ZCCHC8: variants seen among roughly 807,000 people sequenced by gnomAD.
The protein encoded by ZCCHC8 is zinc finger CCHC domain-containing protein 8.
A neutral mutation model predicts 70.6 loss-of-function variants in ZCCHC8; 27 were observed. That is an observed-to-expected ratio of 0.38 (90% CI 0.28 to 0.53). ZCCHC8 has a LOEUF of 0.53. ZCCHC8 is among the 20% of genes least tolerant of loss of function. The pLI is 0.81. For synonymous variants in ZCCHC8, 293 were observed against 317.4 expected (o/e 0.92, Z 0.82); for missense variants, 737 against 876.9 (o/e 0.84, Z 2.01).
chr12:122,478,426 G>C, intron 11 of ZCCHC8, 134 bp from the exon 12 acceptor site: 1 of 649,596 alleles, frequency 1.5e-6, no homozygotes, highest in Non-Finnish European at 2.6e-6. Context: ...TCCTTTATTG[G>C]AAATTAAGGA....
In ZCCHC8 at chr12:122,483,237, A is replaced by T. The variant is rs1957570447; in HGVS notation, c.671+42T>A. The T allele has an allele frequency of 6.5e-7, 1 of 1,537,080 alleles. No individual in the cohort carries two copies. On this transcript the variant is annotated intron_variant, in intron 7 of 13. Transcript: ENST00000633063. This position sits in a 1 kb window ranked among gnomAD's most constrained non-coding sequence, Gnocchi z 4.4. ...AAGCCAAAAGTTTATGATTTTGGTT[A>T]AAAAAGTAAATAAGTAAAACAAAAC...
At chr12:122,494,627 G>A (rs1174288462) in intron 2 of ZCCHC8, among the ~76,000 whole-genome samples, 5 of 151,842 alleles carry the variant, frequency 3.3e-5, no homozygotes, top group African/African-American at 9.7e-5. Flanking sequence ...AGGCCGAGGC[G>A]GGTGGATCAC....
At chr12:122,482,156 A>C in intron 8 of ZCCHC8, 69 bp from the exon 9 acceptor site, 1 of 1,477,406 alleles carries the variant, frequency 6.8e-7, no homozygotes, top group Non-Finnish European at 9.0e-7. Context: ...TTAAATAAAA[A>C]TACTTTTTTT....
At chr12:122,490,374 GTT>G in intron 4 of ZCCHC8, 86 bp downstream of exon 4, 14 of 1,064,428 alleles carry the variant, frequency 1.3e-5, no homozygotes, top group Non-Finnish European at 1.7e-5. Context: ...AATCATTTTG[GTT>G]TTGATTCAAG....
chr12:122,495,585 C>T (rs1269463556), intron 2 of ZCCHC8, among the ~76,000 whole-genome samples: 1 of 152,048 alleles, frequency 6.6e-6, no homozygotes, highest in African/African-American at 2.4e-5. Flanking sequence ...CACGATGGCT[C>T]ATGCCCGTAA....
At chr12:122,494,938 CAGTT>C (rs1418520877) in intron 2 of ZCCHC8, among the ~76,000 whole-genome samples, 2 of 152,142 alleles carry the variant, frequency 1.3e-5, no homozygotes, top group African/African-American at 4.8e-5. Context: ...TAAATATACT[CAGTT>C]GGAGAAATTT....
At chr12:122,488,563 A>ACATTACCTT (rs139475706) in intron 5 of ZCCHC8, among the ~76,000 whole-genome samples, 1,569 of 152,154 alleles carry the variant, frequency 0.01, 29 homozygotes, top group African/African-American at 0.036. Context: ...ATCCACTATT[A>ACATTACCTT]CATTACCTTT....
Position 122,473,381 on chromosome 12 carries a change from G to T in ZCCHC8, c.*116C>A. ...GGCTTGACTTTGGAACATGAACCTT[G>T]GATAGATTTTTAAACATGGGAGGGA... is the stretch of plus-strand genomic sequence containing the variant. On this transcript the variant is annotated 3_prime_UTR_variant, in exon 14 of 14. Coordinates refer to ENST00000633063, the MANE Select transcript of ZCCHC8 (RefSeq NM_017612.5). 8.5e-7 allele frequency: 1 copy of T among 1,171,186 alleles called. No individual in the cohort carries two copies. Among genetic ancestry groups the T allele is most frequent in the Non-Finnish European group, 1.2e-6 (1 of 845,698 alleles). The allele number at this position is 1,171,186 out of a possible 1,614,324, so 72.5% of individuals were successfully genotyped here.
rs922261264 is a variant in ZCCHC8, at chr12:122,482,774, A to G, written c.672-79T>C. ...AATCAATAAAATTCTATATGACAGC[A>G]AAGTGTATCAGAGAGACAAGAAAGC... On this transcript the variant is annotated intron_variant, in intron 7 of 13. Transcript: ENST00000633063. 1.2e-5 allele frequency: 15 copies of G among 1,237,976 alleles called. No homozygotes were observed. In the Admixed American group the frequency reaches 2.5e-4, roughly 21 times the overall value. 76.7% of individuals were successfully genotyped at this position (1,237,976 alleles called of 1,614,324 possible).
intron 5 of ZCCHC8, among the ~76,000 whole-genome samples, chr12:122,484,389 C>T (rs982943754): frequency 6.7e-6 from 1 of 150,326 alleles, no homozygotes; most frequent in Non-Finnish European, 1.5e-5. Context: ...TGAACCACTG[C>T]ACCTGGCCTC....
intron 10 of ZCCHC8, chr12:122,480,532 C>T: frequency 1.1e-5 from 4 of 363,542 alleles, no homozygotes; most frequent in South Asian, 4.2e-5. Context: ...AGTGCAGTGG[C>T]ACCATCTTGG....
intron 2 of ZCCHC8, among the ~76,000 whole-genome samples, chr12:122,495,352 G>A (rs779393111): frequency 8.6e-5 from 13 of 151,910 alleles, no homozygotes; most frequent in Non-Finnish European, 1.5e-4. Flanking sequence ...TTATCCAGGC[G>A]TGGTGGCACA....
chr12:122,485,912 T>C (rs1263301322), intron 5 of ZCCHC8, among the ~76,000 whole-genome samples: 2 of 152,188 alleles, frequency 1.3e-5, no homozygotes, highest in African/African-American at 4.8e-5. Context: ...TGCTCTCATA[T>C]TCTGCGTCCA....
chr12:122,476,598 A>C (rs1957422958), intron 13 of ZCCHC8, among the ~76,000 whole-genome samples: 1 of 149,412 alleles, frequency 6.7e-6, no homozygotes. Context: ...TGTCTCAAAA[A>C]AAAAAACAAA....
chr12:122,479,639 T>A (rs1222165055), intron 11 of ZCCHC8, among the ~76,000 whole-genome samples: 1 of 152,214 alleles, frequency 6.6e-6, no homozygotes. Flanking sequence ...TTAAAAACTT[T>A]TAAAATGTTA....
chr12:122,493,230 A>G (rs1408681397), intron 2 of ZCCHC8, among the ~76,000 whole-genome samples: 1 of 152,208 alleles, frequency 6.6e-6, no homozygotes, highest in African/African-American at 2.4e-5. Context: ...TCTCAAGAAA[A>G]TTATACATTT....
At position 122,500,657 on chromosome 12, in the gene ZCCHC8, G is replaced by T; in HGVS notation, c.184C>A (p.Gln62Lys). The T allele has an allele frequency of 1.3e-6, 2 of 1,576,616 alleles. No individual in the cohort carries two copies. The highest frequency in any genetic ancestry group is 1.7e-6 in the Non-Finnish European group (2 of 1,162,564). Reference protein sequence around the residue: ...RLRQCEETIEQLRAENQELKR... With the variant: ...RLRQCEETIEKLRAENQELKR... Reference sequence around the variant, plus strand: ...GAAAGGATATTCTCGGCGCGGAGCTGCTCGATGGTCTCCTCGCACTGCCGA... The same window carrying T: ...GAAAGGATATTCTCGGCGCGGAGCTTCTCGATGGTCTCCTCGCACTGCCGA... Residue 62 changes from glutamine to lysine, a missense_variant, in exon 1 of 14, where the codon CAG becomes AAG. Transcript: ENST00000633063. The surrounding 1 kb of genome is among the most constrained non-coding windows in gnomAD (Gnocchi z 4.8).
In ZCCHC8 at chr12:122,473,294, C is replaced by T. The variant is rs1218836682; in HGVS notation, c.*203G>A. ...AACCAGGTCATATTCACATCTCCCC[C>T]CAAGTTTTGTCAGTGAGAATAAAAT... On this transcript the variant is annotated 3_prime_UTR_variant, in exon 14 of 14. Coordinates refer to ENST00000633063, the MANE Select transcript of ZCCHC8 (RefSeq NM_017612.5). 5.0e-6 allele frequency: 3 copies of T among 597,804 alleles called. No homozygotes were observed. Among genetic ancestry groups the T allele is most frequent in the Non-Finnish European group, 8.5e-6 (3 of 354,330 alleles). The allele number at this position is 597,804 out of a possible 1,614,324, so 37.0% of individuals were successfully genotyped here.
At chr12:122,496,338 C>T (rs918365626) in intron 2 of ZCCHC8, among the ~76,000 whole-genome samples, 3 of 152,050 alleles carry the variant, frequency 2.0e-5, no homozygotes, top group Non-Finnish European at 2.9e-5. Flanking sequence ...ATGGAGGGCA[C>T]CAATTCTAAG....
Sources: gnomAD v4.1 joint callset for allele counts (sites outside exome capture counted in the v4.1 genomes callset) on GRCh38, gnomAD v4.1.1 for gene constraint, Gnocchi (gnomAD v3.1) non-coding constraint, MANE v1.5 for transcripts, NCBI Gene and HGNC (gene_info 2026-07-23, HGNC 2026-07-21) for gene names.